The following NLN variants were observed in gnomAD, a reference collection of about 807,000 sequenced individuals.
NLN encodes neurolysin, mitochondrial.
Under a neutral mutation model 79.9 loss-of-function variants are expected in NLN, and 64 were observed. That is an observed-to-expected ratio of 0.80 (90% CI 0.65 to 0.99). NLN has a LOEUF of 0.99. Ranked by LOEUF, NLN falls within the 50% of genes least tolerant of loss-of-function variation. NLN has a pLI of 0.00. For missense variants in NLN, 835 were observed against 858.7 expected, an observed-to-expected ratio of 0.97 and a Z score of 0.34; for synonymous variants, 267 against 296.6, an observed-to-expected ratio of 0.90 and a Z score of 1.02.
At chr5:65,728,312 A>G (rs761849202) in intron 1 of NLN, among the ~76,000 whole-genome samples, 1 of 152,170 alleles carries the variant, frequency 6.6e-6, no homozygotes, top group African/African-American at 2.4e-5. Flanking sequence ...ATAAATAGCT[A>G]TAATATATTC....
intron 3 of NLN, among the ~76,000 whole-genome samples, chr5:65,766,580 A>C (rs1485639835): frequency 2.0e-5 from 3 of 151,912 alleles, no homozygotes; most frequent in Non-Finnish European, 2.9e-5. Flanking sequence ...CTTTCATCAC[A>C]CCCCCAGCCC....
chr5:65,822,232 G>A (rs1182215852), intron 12 of NLN, among the ~76,000 whole-genome samples: 1 of 152,204 alleles, frequency 6.6e-6, no homozygotes, highest in East Asian at 1.9e-4. Flanking sequence ...CTCATTCCCA[G>A]CATCGGACCC....
intron 9 of NLN, among the ~76,000 whole-genome samples, chr5:65,801,171 GT>G (rs1439333328): frequency 5.9e-5 from 9 of 152,164 alleles, no homozygotes; most frequent in African/African-American, 2.2e-4. Flanking sequence ...TATTTTGTGT[GT>G]TTTTTACTGC....
rs1040760977 is a variant in NLN at position 65,828,879 on chromosome 5, G to A, written c.*5964G>A. ...ATGATTGCGGCTCCCCCATACTGTAGGAATATTGTTTATGGCTTAAGGTTG... is the reference window on the plus strand; with the variant it reads ...ATGATTGCGGCTCCCCCATACTGTAAGAATATTGTTTATGGCTTAAGGTTG... On this transcript the variant is annotated 3_prime_UTR_variant, in exon 13 of 13. Coordinates refer to ENST00000380985, the MANE Select transcript of NLN (RefSeq NM_020726.5). 6.6e-6 allele frequency: 1 copy of A among 152,166 alleles called. No homozygotes were observed. Among genetic ancestry groups the A allele is most frequent in the African/African-American group, 2.4e-5 (1 of 41,450 alleles). 9.4% of individuals were successfully genotyped at this position (152,166 alleles called of 1,614,324 possible). A position where few individuals can be genotyped will look rare whatever the true frequency, so the allele number is the denominator to read the frequency against.
intron 6 of NLN, among the ~76,000 whole-genome samples, chr5:65,783,476 A>G (rs747194608): frequency 6.6e-6 from 1 of 152,136 alleles, no homozygotes; most frequent in Non-Finnish European, 1.5e-5. Flanking sequence ...CACTTCATTC[A>G]CATCCCATTG....
intron 10 of NLN, 105 bp from the exon 11 acceptor site, chr5:65,809,932 T>G (rs1279332147): frequency 7.7e-7 from 1 of 1,296,096 alleles, no homozygotes; most frequent in African/African-American, 1.5e-5. Context: ...TGCTCCCATT[T>G]TGTGAGTACT....
At chr5:65,759,219 A>G (rs902626753) in intron 2 of NLN, among the ~76,000 whole-genome samples, 5 of 152,198 alleles carry the variant, frequency 3.3e-5, no homozygotes, top group African/African-American at 1.2e-4. Context: ...AATAGATTAG[A>G]TAAATAAATT....
rs1331299520 is a variant in NLN at position 65,812,294 on chromosome 5, G to C, written c.1883G>C (p.Gly628Ala). ...MPATFGHLAG[G>A]YDGQYYGYLW... ...GCTACCTTTGGACATTTGGCAGGGG[G>C]ATACGATGGCCAATATTATGGATAT... Residue 628 changes from glycine (G) to alanine (A), a missense_variant, in exon 12 of 13, where the codon GGA becomes GCA. Physicochemically the swap from Gly to Ala is moderately conservative, Grantham distance 60. Coordinates refer to ENST00000380985, the MANE Select transcript of NLN (RefSeq NM_020726.5). The C allele has an allele frequency of 6.2e-7, 1 of 1,611,616 alleles. No homozygotes were observed.
intron 1 of NLN, among the ~76,000 whole-genome samples, chr5:65,735,017 A>G (rs1176463347): frequency 2.0e-5 from 3 of 152,202 alleles, no homozygotes; most frequent in Non-Finnish European, 4.4e-5. Context: ...CCACTTTTTT[A>G]TCTTATAAGT....
chr5:65,724,096 T>G (rs1281279837), intron 1 of NLN, among the ~76,000 whole-genome samples: 10 of 88,266 alleles, frequency 1.1e-4, no homozygotes, highest in African/African-American at 3.2e-4. Context: ...CATTGTGGGG[T>G]TTTTTCCCTT....
chr5:65,809,788 A>T, intron 10 of NLN, 87 bp downstream of exon 10: 11 of 1,139,336 alleles, frequency 9.7e-6, no homozygotes, highest in Non-Finnish European at 1.4e-5. Flanking sequence ...ACTTATTTTC[A>T]TTTTAAGTGG....
intron 8 of NLN, among the ~76,000 whole-genome samples, chr5:65,789,092 T>C (rs1272911411): frequency 1.3e-5 from 2 of 152,152 alleles, no homozygotes; most frequent in Admixed American, 1.3e-4. Context: ...ATTATCACAC[T>C]GCTGCATTCT....
At chr5:65,747,972 G>A (rs368411618) in intron 1 of NLN, among the ~76,000 whole-genome samples, 287 of 152,244 alleles carry the variant, frequency 1.9e-3, no homozygotes, top group African/African-American at 6.7e-3. Context: ...AGGCCAAGAC[G>A]GGTGGATCAC....
intron 4 of NLN, among the ~76,000 whole-genome samples, chr5:65,779,440 C>G (rs528104838): frequency 1.3e-5 from 2 of 152,022 alleles, no homozygotes; most frequent in African/African-American, 4.8e-5. Context: ...ATCTTAGAGT[C>G]TATAAATCAT....
At chr5:65,775,516 T>C (rs1210178126) in intron 3 of NLN, among the ~76,000 whole-genome samples, 1 of 152,230 alleles carries the variant, frequency 6.6e-6, no homozygotes, top group African/African-American at 2.4e-5. Context: ...CCAAGTCCCC[T>C]GCACATAACT....
At chr5:65,820,144 C>A (rs1162784811) in intron 12 of NLN, among the ~76,000 whole-genome samples, 1 of 152,176 alleles carries the variant, frequency 6.6e-6, no homozygotes, top group African/African-American at 2.4e-5. Flanking sequence ...CAGTTCTCTG[C>A]ACAAAATGAA....
At chr5:65,790,283 T>C (rs1760026221) in intron 8 of NLN, among the ~76,000 whole-genome samples, 1 of 152,182 alleles carries the variant, frequency 6.6e-6, no homozygotes, top group African/African-American at 2.4e-5. Flanking sequence ...AACTGTGTCA[T>C]CTAGTTGGTG....
At chr5:65,735,223 A>G (rs1253600062) in intron 1 of NLN, among the ~76,000 whole-genome samples, 1 of 152,182 alleles carries the variant, frequency 6.6e-6, no homozygotes, top group Non-Finnish European at 1.5e-5. Context: ...TCTAAGTTTC[A>G]TGAGGTCGCC....
chr5:65,742,996 A>T (rs1017203832), intron 1 of NLN, among the ~76,000 whole-genome samples: 1 of 152,240 alleles, frequency 6.6e-6, no homozygotes, highest in African/African-American at 2.4e-5. Flanking sequence ...CAGTTAAAAC[A>T]TATATGTTAT....
Sources: allele counts gnomAD v4.1 joint callset (sites outside exome capture counted in the v4.1 genomes callset), GRCh38; gene constraint gnomAD v4.1.1; transcripts MANE v1.5; gene names NCBI Gene and HGNC (gene_info 2026-07-23, HGNC 2026-07-21).